The following CATSPERD variants were observed in gnomAD, a reference collection of about 807,000 sequenced individuals.
CATSPERD encodes catsper channel auxiliary subunit delta, also known as cation channel sperm-associated auxiliary subunit delta.
In CATSPERD, 86 loss-of-function variants were observed where a neutral mutation model predicts 98.1. The observed-to-expected ratio is 0.88, with a 90% CI of 0.74 to 1.05. CATSPERD has a LOEUF of 1.05. Among genes scored for constraint, CATSPERD ranks in the 50% least tolerant of loss-of-function variants. CATSPERD has a pLI of 0.00. For synonymous variants in CATSPERD, 394 were observed against 390.2 expected (o/e 1.01, Z -0.12); for missense variants, 995 against 1,005.7 (o/e 0.99, Z 0.14).
chr19:5,733,807 A>G (rs373137925), intron 4 of CATSPERD, 49 bp from the exon 5 acceptor site: 155 of 1,277,850 alleles, frequency 1.2e-4, no homozygotes, highest in Admixed American at 2.0e-4. Flanking sequence ...TTCTGAATCA[A>G]TGTTTGAAAA....
At chr19:5,722,418 G>A (rs1220771140) in intron 1 of CATSPERD, among the ~76,000 whole-genome samples, 1 of 152,156 alleles carries the variant, frequency 6.6e-6, no homozygotes, top group East Asian at 1.9e-4. Flanking sequence ...ACCGCGCCCG[G>A]CCAACACCCT....
chr19:5,748,001 C>T (rs1054327829), intron 9 of CATSPERD, among the ~76,000 whole-genome samples, 159 bp from the exon 10 acceptor site: 5 of 152,104 alleles, frequency 3.3e-5, no homozygotes, highest in African/African-American at 7.2e-5. Flanking sequence ...GATTCATTCT[C>T]CTTTGAATAG....
chr19:5,765,401 GATTTATTCATTCATTCATTCATTC>G (rs1480093108), intron 16 of CATSPERD, among the ~76,000 whole-genome samples: 1 of 139,406 alleles, frequency 7.2e-6, no homozygotes, highest in East Asian at 2.0e-4. Context: ...CTAGGCCATT[GATTTATTCATTCATTCATTCATTC>G]ATTCATTCAT....
At chr19:5,730,864 G>A (rs1004901328) in intron 4 of CATSPERD, among the ~76,000 whole-genome samples, 14 of 152,098 alleles carry the variant, frequency 9.2e-5, no homozygotes, top group African/African-American at 3.4e-4. Context: ...AGCTGGGCGT[G>A]GTGGCAGGTG....
At chr19:5,737,263 C>A in intron 6 of CATSPERD, 58 bp downstream of exon 6, 1 of 1,167,326 alleles carries the variant, frequency 8.6e-7, no homozygotes, top group Non-Finnish European at 1.3e-6. Context: ...CACAAATAAT[C>A]ATGAGTAGAC....
intron 9 of CATSPERD, 104 bp from the exon 10 acceptor site, chr19:5,748,056 C>T (rs1286055135): frequency 2.0e-5 from 17 of 833,886 alleles, no homozygotes; most frequent in Non-Finnish European, 2.9e-5. Context: ...AGCCACTGGC[C>T]GGGTGGGTTG....
chr19:5,739,053 T>C lies in CATSPERD; in HGVS notation c.460-273T>C, dbSNP rs545887717. ...TAACTTTGGTATTTTTTAGGAGAGA[T>C]GGGGTTTCATTATGTTGGCCAAGCT... On this transcript the variant is annotated intron_variant, in intron 6 of 21. Coordinates refer to ENST00000381624, the MANE Select transcript of CATSPERD (RefSeq NM_152784.4). Among the ~76,000 whole-genome samples, 129 of 151,744 alleles carry C rather than the reference T, an allele frequency of 8.5e-4. 1 individual carries two copies. The highest frequency in any genetic ancestry group is 2.9e-3 in the African/African-American group (118 of 41,390).
intron 9 of CATSPERD, among the ~76,000 whole-genome samples, chr19:5,747,589 T>C (rs1196251728): frequency 6.7e-6 from 1 of 149,972 alleles, no homozygotes; most frequent in African/African-American, 2.4e-5. Flanking sequence ...TTAACGGGGA[T>C]CTGGTTTTCT....
intron 16 of CATSPERD, among the ~76,000 whole-genome samples, chr19:5,764,305 GTTTGC>G (rs1036570809): frequency 2.0e-5 from 3 of 149,894 alleles, no homozygotes; most frequent in Non-Finnish European, 4.4e-5. Context: ...TTGCTTTTTG[GTTTGC>G]TTTATTTATT....
chr19:5,721,740 T>G (rs907883776), intron 1 of CATSPERD, among the ~76,000 whole-genome samples: 3 of 150,912 alleles, frequency 2.0e-5, no homozygotes, highest in African/African-American at 7.3e-5. Flanking sequence ...ATCCCAACAC[T>G]TTGAGAGGTA....
chr19:5,755,355 A>G (rs1465325252), intron 13 of CATSPERD, among the ~76,000 whole-genome samples: 1 of 152,184 alleles, frequency 6.6e-6, no homozygotes, highest in Non-Finnish European at 1.5e-5. Context: ...ACTATTGAGT[A>G]TTATACTCAA....
At chr19:5,775,030 C>A (rs1718809734) in intron 20 of CATSPERD, among the ~76,000 whole-genome samples, 1 of 151,896 alleles carries the variant, frequency 6.6e-6, no homozygotes, top group Admixed American at 6.6e-5. Flanking sequence ...ATAAAAAAGT[C>A]ATTGGAAGCG....
chr19:5,774,925 G>A (rs2056713928), intron 20 of CATSPERD, among the ~76,000 whole-genome samples: 1 of 152,088 alleles, frequency 6.6e-6, no homozygotes, highest in South Asian at 2.1e-4. Flanking sequence ...GCTGAGGCAG[G>A]AGAATTGCTT....
intron 12 of CATSPERD, 91 bp downstream of exon 12, chr19:5,751,914 G>C: frequency 8.1e-7 from 1 of 1,239,530 alleles, no homozygotes; most frequent in Admixed American, 2.5e-5. Flanking sequence ...TGTAGCCCCA[G>C]TTGCTCAGGA....
Position 5,772,918 on chromosome 19 carries a change from A to T in CATSPERD, c.1894A>T (p.Thr632Ser), listed in dbSNP as rs746475672. Residue 632 changes from threonine to serine, a missense_variant, in exon 20 of 22, where the codon ACC becomes TCC. Around this residue, in one of 3 missense-constraint regions of CATSPERD, gnomAD observed 762 missense variants for 773.7 expected, o/e 0.98. Transcript: ENST00000381624. ...GTGTACCTCCCAGCCGCAGAACTGGACCACCATGATAAAGGAATTCGGGGG... is the reference window on the plus strand; with the variant it reads ...GTGTACCTCCCAGCCGCAGAACTGGTCCACCATGATAAAGGAATTCGGGGG... ...AMCTSQPQNWTTMIKEFGGPF... is the reference protein window; with the variant it reads ...AMCTSQPQNWSTMIKEFGGPF... 2.5e-6 allele frequency: 4 copies of T among 1,614,090 alleles called. No individual in the cohort carries two copies. The South Asian group carries it at 4.4e-5, about 18-fold the overall frequency.
Position 5,776,181 on chromosome 19 carries a change from C to T in CATSPERD, c.1962C>T (p.Asp654=), listed in dbSNP as rs2056738530. Residue 654 remains aspartate (D), a synonymous_variant, in exon 21 of 22, where the codon GAC becomes GAT. Transcript: ENST00000381624. Reference sequence around the variant, plus strand: ...CACAGAACTATGTGAGCTGCCACGACCCCAACAACAATGCCCCTTTGAGGT... The same window carrying T: ...CACAGAACTATGTGAGCTGCCACGATCCCAACAACAATGCCCCTTTGAGGT... ...WNRENYVSCH[D]PNNNAPLRWP... The T allele has an allele frequency of 1.2e-6, 2 of 1,614,098 alleles. No homozygotes were observed. Among genetic ancestry groups the T allele is most frequent in the African/African-American group, 2.7e-5 (2 of 74,942 alleles).
Position 5,720,706 on chromosome 19 carries a change from AG to A in CATSPERD, c.-28del, listed in dbSNP as rs750517256. 1 of 1,600,320 alleles carries A rather than the reference AG, an allele frequency of 6.2e-7. No homozygotes were observed. ...GTGCAGCGACTCCCCGTGGCGGTTG[AG>A]GGGCAGTGGTGGCGGCGGAAGCCCA... On this transcript the variant is annotated 5_prime_UTR_variant, in exon 1 of 22. Coordinates refer to ENST00000381624, the MANE Select transcript of CATSPERD (RefSeq NM_152784.4).
intron 1 of CATSPERD, among the ~76,000 whole-genome samples, chr19:5,721,709 G>A (rs1258281109): frequency 6.6e-6 from 1 of 151,524 alleles, no homozygotes; most frequent in Admixed American, 6.6e-5. Context: ...CACTGGCTGG[G>A]TGCAGTGGCT....
chr19:5,750,016 C>T (rs1408763294), intron 11 of CATSPERD, among the ~76,000 whole-genome samples: 1 of 151,352 alleles, frequency 6.6e-6, no homozygotes, highest in Non-Finnish European at 1.5e-5. Flanking sequence ...ATTGTCCAGG[C>T]TGGTCTTCAA....
Sources: allele counts gnomAD v4.1 joint callset (sites outside exome capture counted in the v4.1 genomes callset), GRCh38; gene constraint gnomAD v4.1.1; regional missense constraint gnomAD v4.1.1; transcripts MANE v1.5; gene names NCBI Gene and HGNC (gene_info 2026-07-23, HGNC 2026-07-21).